Variants in AP3S2 observed in about 807,000 individuals in gnomAD.
AP3S2 encodes AP-3 complex subunit sigma-2.
In AP3S2, 22 loss-of-function variants were observed where a neutral mutation model predicts 23.4. The observed-to-expected ratio is 0.94, with a 90% CI of 0.67 to 1.34. The LOEUF (loss-of-function observed/expected upper bound fraction) is 1.34. AP3S2 is among the 40% of genes most tolerant of loss of function. The probability of loss-of-function intolerance (pLI) is 0.00; values close to 1 mark genes in which losing one functional copy is unlikely to be tolerated. For missense variants in AP3S2, 241 were observed against 236.9 expected (o/e 1.02, Z -0.11); for synonymous variants, 86 against 87.1 (o/e 0.99, Z 0.07).
chr15:89,856,053 TAC>T lies in AP3S2; in HGVS notation c.345+15420_345+15421del, dbSNP rs1895828086. Among the ~76,000 whole-genome samples, 4 of 151,606 alleles carry T rather than the reference TAC, an allele frequency of 2.6e-5. No individual in the cohort carries two copies. The South Asian group carries it at 6.3e-4, about 24-fold the overall frequency. On this transcript the variant is annotated intron_variant, in intron 4 of 5. Coordinates refer to ENST00000336418, the MANE Select transcript of AP3S2 (RefSeq NM_005829.5). ...AGGTCTTTAAGAGGGTTGCATAAAT[TAC>T]ACAGTTAGAATCTGGTAGAGTCAGA...
At chr15:89,841,843 T>A (rs1002372266) in intron 4 of AP3S2, among the ~76,000 whole-genome samples, 2 of 152,132 alleles carry the variant, frequency 1.3e-5, no homozygotes, top group Non-Finnish European at 2.9e-5. Flanking sequence ...AAACAGGATC[T>A]ATATAAATAT....
At position 89,881,782 on chromosome 15, in the gene AP3S2, CTT is replaced by C. The variant is rs369723888; in HGVS notation, c.273+6737_273+6738del. ...AGTACTGGAGTTACAAGGAAACAAACTTATATAGTACTAGAGGCATTATAAAT... is the reference window on the plus strand; with the variant it reads ...AGTACTGGAGTTACAAGGAAACAAACATATAGTACTAGAGGCATTATAAAT... On this transcript the variant is annotated intron_variant, in intron 3 of 5. Coordinates refer to ENST00000336418, the MANE Select transcript of AP3S2 (RefSeq NM_005829.5). 1.6e-3 allele frequency among the ~76,000 whole-genome samples: 243 copies of C among 151,848 alleles called. 5 individuals carry two copies. Among genetic ancestry groups the C allele is most frequent in the East Asian group, 0.011 (58 of 5,180 alleles).
chr15:89,876,657 G>A (rs760057299), intron 3 of AP3S2: 1 of 153,052 alleles, frequency 6.5e-6, no homozygotes, highest in Admixed American at 6.5e-5. Context: ...CTCTTCAGAG[G>A]CAGAGGCACA....
chr15:89,842,893 A>G (rs868142466), intron 4 of AP3S2, among the ~76,000 whole-genome samples: 57 of 150,610 alleles, frequency 3.8e-4, no homozygotes, highest in Admixed American at 7.2e-4. Flanking sequence ...TTACAGGCGT[A>G]AGCCACTGTG....
intron 4 of AP3S2, 32 bp from the exon 5 acceptor site, chr15:89,837,754 T>C (rs1596184794): frequency 6.2e-7 from 1 of 1,613,010 alleles, no homozygotes; most frequent in Admixed American, 1.7e-5. Flanking sequence ...GGAGTCAGAA[T>C]ACTCTGTGGT....
At chr15:89,869,748 C>A (rs571253521) in intron 4 of AP3S2, among the ~76,000 whole-genome samples, 1 of 151,538 alleles carries the variant, frequency 6.6e-6, no homozygotes. Context: ...TTGTATTTAA[C>A]AATTTGGTTG....
intron 3 of AP3S2, among the ~76,000 whole-genome samples, chr15:89,878,913 A>G (rs1206787824): frequency 9.2e-5 from 14 of 152,094 alleles, no homozygotes. Flanking sequence ...TGGCCCAGCT[A>G]ATTTTTGTAC....
chr15:89,892,670 T>TTGTGTGTG (rs58320096), intron 1 of AP3S2, among the ~76,000 whole-genome samples: 1 of 151,396 alleles, frequency 6.6e-6, no homozygotes, highest in African/African-American at 2.4e-5. Context: ...ATATACTTTT[T>TTGTGTGTG]TGTGTGTGTG....
At chr15:89,858,382 A>G (rs1895892269) in intron 4 of AP3S2, among the ~76,000 whole-genome samples, 2 of 151,852 alleles carry the variant, frequency 1.3e-5, no homozygotes, top group Non-Finnish European at 2.9e-5. Flanking sequence ...TGGAGGTTGC[A>G]GTGAGCCGAG....
chr15:89,877,543 C>G (rs1896471516), intron 3 of AP3S2: 1 of 547,654 alleles, frequency 1.8e-6, no homozygotes, highest in Non-Finnish European at 3.1e-6. Flanking sequence ...ATGTTCATAT[C>G]TCTATTTTAT....
At chr15:89,877,058 C>T (rs567630809) in intron 3 of AP3S2, 4 of 281,280 alleles carry the variant, frequency 1.4e-5, no homozygotes, top group African/African-American at 6.7e-5. Flanking sequence ...TGAACTATGA[C>T]TTTGGGAAAC....
chr15:89,840,834 G>A (rs2882752), intron 4 of AP3S2, among the ~76,000 whole-genome samples: 59,244 of 151,974 alleles, frequency 0.39, 13,021 homozygotes, highest in Middle Eastern at 0.5. Flanking sequence ...TGCTGATTCC[G>A]GAGCTCATGT....
At chr15:89,857,803 G>C (rs944859795) in intron 4 of AP3S2, among the ~76,000 whole-genome samples, 3 of 152,092 alleles carry the variant, frequency 2.0e-5, no homozygotes, top group African/African-American at 4.8e-5. Flanking sequence ...ACTAGTTCAG[G>C]TTCTCCTCCC....
intron 5 of AP3S2, 99 bp downstream of exon 5, chr15:89,837,516 C>T (rs1895222203): frequency 1.3e-5 from 18 of 1,359,932 alleles, no homozygotes; most frequent in Non-Finnish European, 1.8e-5. Context: ...TATCATTTCC[C>T]GAGGTTTCAC....
chr15:89,855,550 A>T (rs1567177620), intron 4 of AP3S2, among the ~76,000 whole-genome samples: 1 of 149,396 alleles, frequency 6.7e-6, no homozygotes, highest in Admixed American at 6.6e-5. Flanking sequence ...AAAAAAAAAA[A>T]AGAATGGACT....
At chr15:89,861,712 T>C (rs1896012827) in intron 4 of AP3S2, among the ~76,000 whole-genome samples, 1 of 152,034 alleles carries the variant, frequency 6.6e-6, no homozygotes, top group Non-Finnish European at 1.5e-5. Context: ...ACCTGAAGAT[T>C]ACCCCAGTCA....
intron 4 of AP3S2, among the ~76,000 whole-genome samples, chr15:89,864,886 G>A (rs1270811821): frequency 6.6e-6 from 1 of 151,946 alleles, no homozygotes; most frequent in East Asian, 1.9e-4. Flanking sequence ...CCTCACAGAA[G>A]AAAGAACAAA....
At chr15:89,860,490 G>A (rs1895987755) in intron 4 of AP3S2, among the ~76,000 whole-genome samples, 1 of 152,140 alleles carries the variant, frequency 6.6e-6, no homozygotes, top group Non-Finnish European at 1.5e-5. Context: ...TTCCCATCCT[G>A]GAGCAGGACA....
Position 89,837,772 on chromosome 15 carries a change from G to A in AP3S2, c.346-50C>T, listed in dbSNP as rs747298106. 15 of 1,608,962 alleles carry A rather than the reference G, an allele frequency of 9.3e-6. No homozygotes were observed. In the South Asian group the frequency reaches 1.5e-4, roughly 17 times the overall value. ...GTCAGAATACTCTGTGGTGGTCAGA[G>A]TGTAACCCACGAGGTTTCCTTTTCC... On this transcript the variant is annotated intron_variant, in intron 4 of 5. Transcript: ENST00000336418.
Sources: gnomAD v4.1 joint callset for allele counts (sites outside exome capture counted in the v4.1 genomes callset) on GRCh38, gnomAD v4.1.1 for gene constraint, MANE v1.5 for transcripts, NCBI Gene and HGNC (gene_info 2026-07-23, HGNC 2026-07-21) for gene names.